ZMYM4: variants seen among roughly 807,000 people sequenced by gnomAD.
ZMYM4 encodes zinc finger MYM-type protein 4.
In ZMYM4, 31 loss-of-function variants were observed where a neutral mutation model predicts 183.2. The ratio of observed to expected loss-of-function variants is 0.17; its 90% CI spans 0.13 to 0.23. The LOEUF (loss-of-function observed/expected upper bound fraction) is 0.23, where lower values mean the gene tolerates loss of function less well. Ranked by LOEUF, ZMYM4 falls within the 10% of genes least tolerant of loss-of-function variation. The pLI, the probability that ZMYM4 is intolerant of heterozygous loss-of-function variation, is 1.00. For missense variants in ZMYM4, 1,273 were observed against 1,840.3 expected, an observed-to-expected ratio of 0.69 and a Z score of 5.64; for synonymous variants, 592 against 631.2, an observed-to-expected ratio of 0.94 and a Z score of 0.93.
At position 35,387,183 on chromosome 1, in the gene ZMYM4, T is replaced by A; in HGVS notation, c.2017T>A (p.Ser673Thr). 1 of 1,614,236 alleles carries A rather than the reference T, an allele frequency of 6.2e-7. No homozygotes were observed. Among genetic ancestry groups the A allele is most frequent in the South Asian group, 1.1e-5 (1 of 91,086 alleles). ...TGGTCTCCAGCGTCTCGCTGCCCAGTCCCAGCATGTTGGGTTTGCACGAAG... is the reference window on the plus strand; with the variant it reads ...TGGTCTCCAGCGTCTCGCTGCCCAGACCCAGCATGTTGGGTTTGCACGAAG... ...AAGLQRLAAQ[S>T]QHVGFARSVV... The change falls in exon 12 of 30, where the codon TCC (serine) becomes ACC (threonine). Residue 673 changes from serine (S) to threonine (T), a missense_variant. Physicochemically the swap from Ser to Thr is moderately conservative, Grantham distance 58. Transcript: ENST00000314607.
At chr1:35,366,870 A>G (rs1252596480) in intron 5 of ZMYM4, among the ~76,000 whole-genome samples, 10 of 152,052 alleles carry the variant, frequency 6.6e-5, no homozygotes, top group Admixed American at 5.2e-4. Context: ...CAAAAATTAC[A>G]GAAATTAGCC....
intron 5 of ZMYM4, 149 bp from the exon 6 acceptor site, chr1:35,369,880 G>A (rs1033612072): frequency 2.1e-6 from 1 of 471,786 alleles, no homozygotes; most frequent in Non-Finnish European, 3.7e-6. Context: ...ATTATAGTTT[G>A]CTTGCTGTTT....
At chr1:35,336,915 C>T (rs984557499) in intron 2 of ZMYM4, among the ~76,000 whole-genome samples, 1 of 152,154 alleles carries the variant, frequency 6.6e-6, no homozygotes, top group African/African-American at 2.4e-5. Flanking sequence ...CGAGTGAATT[C>T]TCATGAGGTA....
chr1:35,288,159 A>G (rs147181602), intron 1 of ZMYM4, among the ~76,000 whole-genome samples: 1 of 152,200 alleles, frequency 6.6e-6, no homozygotes, highest in Non-Finnish European at 1.5e-5. Flanking sequence ...TTGATGTTCT[A>G]CTGCCACCAC....
intron 11 of ZMYM4, 70 bp from the exon 12 acceptor site, chr1:35,386,933 T>A: frequency 2.0e-6 from 3 of 1,505,252 alleles, no homozygotes; most frequent in Non-Finnish European, 2.7e-6. Flanking sequence ...GCTTGGCATA[T>A]GTAGGCACAC....
At chr1:35,314,752 C>T (rs1389961579) in intron 1 of ZMYM4, among the ~76,000 whole-genome samples, 3 of 121,736 alleles carry the variant, frequency 2.5e-5, no homozygotes, top group African/African-American at 3.2e-5. Flanking sequence ...TTTGGCTGGG[C>T]GCAGTGGCTC....
chr1:35,384,976 G>A (rs1644544750), intron 9 of ZMYM4, among the ~76,000 whole-genome samples: 1 of 151,366 alleles, frequency 6.6e-6, no homozygotes, highest in South Asian at 2.1e-4. Flanking sequence ...CTGAATAGCT[G>A]GGACTACAGG....
chr1:35,282,574 GAGACAGGGTC>G lies in ZMYM4; in HGVS notation c.39+13490_39+13499del, dbSNP rs1172550224. ...TTATTTATTTATTTATTCATTTTTT[GAGACAGGGTC>G]TCACTTTGTTGTCCAGGCTGGAGTA... On this transcript the variant is annotated intron_variant, in intron 1 of 29. Transcript: ENST00000314607. 7.2e-5 allele frequency among the ~76,000 whole-genome samples: 11 copies of G among 152,094 alleles called. No individual in the cohort carries two copies. The East Asian group carries it at 2.1e-3, about 29-fold the overall frequency.
At chr1:35,382,181 T>TACACACACACACAC (rs59402643) in intron 9 of ZMYM4, among the ~76,000 whole-genome samples, 1 of 133,542 alleles carries the variant, frequency 7.5e-6, no homozygotes, top group African/African-American at 2.7e-5. Context: ...TATACACACA[T>TACACACACACACAC]ACACACACAC....
intron 11 of ZMYM4, among the ~76,000 whole-genome samples, 181 bp downstream of exon 11, chr1:35,386,370 A>G (rs1644577557): frequency 6.6e-6 from 1 of 152,068 alleles, no homozygotes; most frequent in African/African-American, 2.4e-5. Context: ...GGAAACTTTC[A>G]ATTATGGCGG....
intron 1 of ZMYM4, among the ~76,000 whole-genome samples, chr1:35,283,090 T>C (rs1357106509): frequency 7.6e-6 from 1 of 132,204 alleles, no homozygotes; most frequent in Admixed American, 8.6e-5. Context: ...CCTCCACCCT[T>C]CACCTTCTGG....
chr1:35,357,009 G>A (rs755614378), intron 2 of ZMYM4, among the ~76,000 whole-genome samples: 1 of 152,138 alleles, frequency 6.6e-6, no homozygotes, highest in Non-Finnish European at 1.5e-5. Flanking sequence ...TCAGCCTCCT[G>A]AGTAGCTAGG....
intron 9 of ZMYM4, among the ~76,000 whole-genome samples, chr1:35,384,930 G>A (rs1395307635): frequency 6.9e-6 from 1 of 144,232 alleles, no homozygotes; most frequent in African/African-American, 2.6e-5. Context: ...TGCAAGCTCT[G>A]CCTCCTGGTT....
Position 35,386,129 on chromosome 1 carries a change from A to C in ZMYM4, c.1776A>C (p.Leu592=). The change falls in exon 11 of 30, where the codon CTA becomes CTC. Residue 592 remains leucine, a synonymous_variant. Transcript: ENST00000314607. ...CKTSAIPQYH[L]AMSDGSIRNF... ...CCTCAGCAATTCCTCAGTATCACCT[A>C]GCCATGTCAGATGGAAGTATACGCA... The C allele has an allele frequency of 6.2e-7, 1 of 1,614,092 alleles. No individual in the cohort carries two copies. Among genetic ancestry groups the C allele is most frequent in the Middle Eastern group, 1.6e-4 (1 of 6,062 alleles).
intron 25 of ZMYM4, among the ~76,000 whole-genome samples, chr1:35,406,675 C>T (rs1446938407): frequency 6.6e-6 from 1 of 152,186 alleles, no homozygotes; most frequent in African/African-American, 2.4e-5. Context: ...CTGAATATCT[C>T]TCTTATATAC....
intron 2 of ZMYM4, among the ~76,000 whole-genome samples, chr1:35,333,769 G>A (rs1028182645): frequency 6.6e-6 from 1 of 151,940 alleles, no homozygotes; most frequent in African/African-American, 2.4e-5. Flanking sequence ...TAACAAAAAT[G>A]GGATCATATA....
At chr1:35,401,495 T>C (rs1462946991) in intron 23 of ZMYM4, among the ~76,000 whole-genome samples, 2 of 152,234 alleles carry the variant, frequency 1.3e-5, no homozygotes, top group South Asian at 4.1e-4. Context: ...TTGGTTGTTA[T>C]CTTGCTGAGT....
chr1:35,369,890 T>C, intron 5 of ZMYM4, 139 bp from the exon 6 acceptor site: 1 of 517,908 alleles, frequency 1.9e-6, no homozygotes, highest in East Asian at 3.3e-5. Context: ...GCTTGCTGTT[T>C]TGTACTTTAT....
At chr1:35,377,928 T>C (rs1570475220) in intron 7 of ZMYM4, among the ~76,000 whole-genome samples, 1 of 152,330 alleles carries the variant, frequency 6.6e-6, no homozygotes, top group Non-Finnish European at 1.5e-5. Flanking sequence ...AGAAGAACTT[T>C]CCAAATTGGA....
Sources: gnomAD v4.1 joint callset for allele counts (sites outside exome capture counted in the v4.1 genomes callset) on GRCh38, gnomAD v4.1.1 for gene constraint, MANE v1.5 for transcripts, NCBI Gene and HGNC (gene_info 2026-07-23, HGNC 2026-07-21) for gene names.